ARMC7: variants seen among roughly 807,000 people sequenced by gnomAD.
ARMC7 encodes the protein armadillo repeat-containing protein 7.
Under a neutral mutation model 14.8 loss-of-function variants are expected in ARMC7, and 9 were observed. That is an observed-to-expected ratio of 0.61 (90% CI 0.37 to 1.06). ARMC7 has a LOEUF of 1.06. ARMC7 is among the 50% of genes least tolerant of loss of function. The probability of loss-of-function intolerance (pLI) is 0.01; values close to 1 mark genes in which losing one functional copy is unlikely to be tolerated. For missense variants in ARMC7, 262 were observed against 267.1 expected, an observed-to-expected ratio of 0.98 and a Z score of 0.13; for synonymous variants, 125 against 123.4, an observed-to-expected ratio of 1.01 and a Z score of -0.09.
At position 75,110,577 on chromosome 17, in the gene ARMC7, A is replaced by G. The variant is rs1222364880; in HGVS notation, c.206A>G (p.Glu69Gly). The G allele has an allele frequency of 1.2e-6, 2 of 1,614,052 alleles. No homozygotes were observed. The highest frequency in any genetic ancestry group is 1.6e-4 in the Middle Eastern group (1 of 6,084). Residue 69 changes from glutamate (E) to glycine (G), a missense_variant, in exon 2 of 3, where the codon GAG (glutamate) becomes GGG (glycine). By Grantham distance (98) the Glu-to-Gly change is moderately conservative. Transcript: ENST00000245543. ...LDLFLDSLSE[E>G]NETLVEFAIG... Reference sequence around the variant, plus strand: ...TTATTTCTCGATTCGCTGTCGGAGGAGAATGAGACCCTGGTGGAGTTTGCT... The same window carrying G: ...TTATTTCTCGATTCGCTGTCGGAGGGGAATGAGACCCTGGTGGAGTTTGCT...
At chr17:75,128,581 C>T in intron 2 of ARMC7, 96 bp from the exon 3 acceptor site, 1 of 1,493,350 alleles carries the variant, frequency 6.7e-7, no homozygotes, top group Non-Finnish European at 8.9e-7. Flanking sequence ...GGGCCAGCTT[C>T]TCAACAGCCT....
At chr17:75,127,833 G>A (rs1318322658) in intron 2 of ARMC7, among the ~76,000 whole-genome samples, 1 of 152,152 alleles carries the variant, frequency 6.6e-6, no homozygotes, top group Non-Finnish European at 1.5e-5. Context: ...GGGCTCAAGG[G>A]ATCCTCCTGC....
At chr17:75,118,403 G>A (rs921988138) in intron 2 of ARMC7, among the ~76,000 whole-genome samples, 2 of 152,056 alleles carry the variant, frequency 1.3e-5, no homozygotes, top group East Asian at 1.9e-4. Context: ...TCCCATCAGC[G>A]GTGGCAGTGG....
At chr17:75,125,683 C>CA (rs368556253) in intron 2 of ARMC7, among the ~76,000 whole-genome samples, 7,230 of 149,034 alleles carry the variant, frequency 0.049, 270 homozygotes, top group Non-Finnish European at 0.066. Context: ...ACTAAAAATA[C>CA]AAAAAAAAAA....
chr17:75,112,378 C>G (rs1183517057), intron 2 of ARMC7, among the ~76,000 whole-genome samples: 2 of 152,100 alleles, frequency 1.3e-5, no homozygotes, highest in Non-Finnish European at 2.9e-5. Flanking sequence ...CTGTCGTGTG[C>G]TGTGATTGCA....
Position 75,128,739 on chromosome 17 carries a change from G to A in ARMC7, c.298G>A (p.Val100Ile), listed in dbSNP as rs780632024. 4 of 1,613,484 alleles carry A rather than the reference G, an allele frequency of 2.5e-6. No individual in the cohort carries two copies. The East Asian group carries it at 6.7e-5, about 27-fold the overall frequency. ...NKEHILHAGG[V>I]PLIINCLSSP... ...GGAGCACATCCTGCACGCAGGAGGT[G>A]TCCCACTCATCATCAACTGCCTATC... Residue 100 changes from valine to isoleucine, a missense_variant, in exon 3 of 3, where the codon GTC becomes ATC. Coordinates refer to ENST00000245543, the MANE Select transcript of ARMC7 (RefSeq NM_024585.4).
rs1396285807 is a variant in ARMC7, at chr17:75,129,109, G to A, written c.*71G>A. On this transcript the variant is annotated 3_prime_UTR_variant, in exon 3 of 3. Coordinates refer to ENST00000245543, the MANE Select transcript of ARMC7 (RefSeq NM_024585.4). ...CAGTCCTGATGTGGACGCAGGGAAC[G>A]GGGAGCACATACTGCCCCATTGGTG... The A allele has an allele frequency of 7.9e-6, 12 of 1,511,890 alleles. No homozygotes were observed. The highest frequency in any genetic ancestry group is 1.1e-5 in the Non-Finnish European group (12 of 1,135,414). The allele number at this position is 1,511,890 out of a possible 1,614,324, so 93.7% of individuals were successfully genotyped here. A position where few individuals can be genotyped will look rare whatever the true frequency, so the allele number is the denominator to read the frequency against.
intron 2 of ARMC7, among the ~76,000 whole-genome samples, chr17:75,117,323 C>T (rs907236961): frequency 6.6e-6 from 1 of 152,146 alleles, no homozygotes; most frequent in East Asian, 1.9e-4. Context: ...GTGATCCGCC[C>T]GCCTCGGCCT....
Position 75,128,901 on chromosome 17 carries a change from G to T in ARMC7, c.460G>T (p.Ala154Ser). 6.2e-7 allele frequency: 1 copy of T among 1,610,296 alleles called. No individual in the cohort carries two copies. The highest frequency in any genetic ancestry group is 8.5e-7 in the Non-Finnish European group (1 of 1,179,798). Residue 154 changes from alanine to serine, a missense_variant, in exon 3 of 3, where the codon GCC becomes TCC. By Grantham distance (99) the Ala-to-Ser change is moderately conservative. Transcript: ENST00000245543. ...CMLRFSLSAS[A>S]RLRNLAQIFL... ...GCTTCGCTTCTCCCTCTCGGCCAGC[G>T]CCAGGCTCCGGAACCTGGCACAGAT... is the stretch of plus-strand genomic sequence containing the variant.
chr17:75,129,417 C>G lies in ARMC7; in HGVS notation c.*379C>G, dbSNP rs2074083695. The G allele has an allele frequency of 7.8e-6, 2 of 256,932 alleles. No individual in the cohort carries two copies. 15.9% of individuals were successfully genotyped at this position (256,932 alleles called of 1,614,324 possible). ...GAGAGCTGCCTTCGCTGCAGGAAAT[C>G]AGGGATTATCCCTTAACAGAAGTGT... On this transcript the variant is annotated 3_prime_UTR_variant, in exon 3 of 3. Transcript: ENST00000245543.
chr17:75,123,032 C>CTTTTTTTTT (rs34863483), intron 2 of ARMC7, among the ~76,000 whole-genome samples: 1 of 135,960 alleles, frequency 7.4e-6, no homozygotes, highest in Non-Finnish European at 1.6e-5. Context: ...TCTTTGGACA[C>CTTTTTTTTT]TTTTTTTTTT....
At position 75,129,870 on chromosome 17, in the gene ARMC7, T is replaced by C. The variant is rs1269897401; in HGVS notation, c.*832T>C. On this transcript the variant is annotated 3_prime_UTR_variant, in exon 3 of 3. Transcript: ENST00000245543. ...ATGATGGGGAGCCCTACCCCAGAAGTGTATCCCACGAGGGCATCAGGGACG... is the reference window on the plus strand; with the variant it reads ...ATGATGGGGAGCCCTACCCCAGAAGCGTATCCCACGAGGGCATCAGGGACG... 1.3e-5 allele frequency: 2 copies of C among 152,570 alleles called. No homozygotes were observed. Among genetic ancestry groups the C allele is most frequent in the African/African-American group, 4.8e-5 (2 of 41,420 alleles). 9.5% of individuals were successfully genotyped at this position (152,570 alleles called of 1,614,324 possible).
chr17:75,114,164 C>G (rs1482246512), intron 2 of ARMC7: 1 of 401,376 alleles, frequency 2.5e-6, no homozygotes, highest in East Asian at 3.6e-5. Flanking sequence ...CCTCTGCCCC[C>G]ACAGCTGCTG....
chr17:75,122,906 A>C (rs896428252), intron 2 of ARMC7, among the ~76,000 whole-genome samples: 1 of 152,058 alleles, frequency 6.6e-6, no homozygotes, highest in African/African-American at 2.4e-5. Flanking sequence ...TTAGGTGCTC[A>C]CAGAAAGCTC....
chr17:75,127,909 AAC>A (rs1206817404), intron 2 of ARMC7, among the ~76,000 whole-genome samples: 5 of 152,182 alleles, frequency 3.3e-5, no homozygotes, highest in African/African-American at 9.7e-5. Context: ...CTAGTATTTT[AAC>A]AGTTTTATTG....
intron 2 of ARMC7, among the ~76,000 whole-genome samples, chr17:75,125,037 C>CA (rs766402773): frequency 1.7e-4 from 26 of 152,212 alleles, no homozygotes; most frequent in Admixed American, 4.6e-4. Context: ...CCAAGGGCCC[C>CA]ATGGGGAGAG....
At chr17:75,128,188 C>T (rs748017546) in intron 2 of ARMC7, among the ~76,000 whole-genome samples, 6 of 152,162 alleles carry the variant, frequency 3.9e-5, no homozygotes, top group Non-Finnish European at 8.8e-5. Context: ...AATTCTCCTG[C>T]CTCAGCCTCA....
chr17:75,114,769 C>A lies in ARMC7; in HGVS notation c.235+4163C>A, dbSNP rs186290961. On this transcript the variant is annotated intron_variant, in intron 2 of 2. Coordinates refer to ENST00000245543, the MANE Select transcript of ARMC7 (RefSeq NM_024585.4). Reference sequence around the variant, plus strand: ...CCAAGCACAGTAGCTTTCTCAGCGTCGAATCCCTCCGTGGGACCATGTTGC... The same window carrying A: ...CCAAGCACAGTAGCTTTCTCAGCGTAGAATCCCTCCGTGGGACCATGTTGC... 604 of 398,496 alleles carry A rather than the reference C, an allele frequency of 1.5e-3. 3 individuals carry two copies. Among genetic ancestry groups the A allele is most frequent in the Non-Finnish European group, 4.6e-4 (104 of 226,050 alleles). 24.7% of individuals were successfully genotyped at this position (398,496 alleles called of 1,614,324 possible).
At chr17:75,124,531 G>C (rs765225480) in intron 2 of ARMC7, among the ~76,000 whole-genome samples, 2 of 152,230 alleles carry the variant, frequency 1.3e-5, no homozygotes, top group Non-Finnish European at 2.9e-5. Flanking sequence ...CCGCAGTCCA[G>C]TGTGCACAGG....
Sources: gnomAD v4.1 joint callset for allele counts (sites outside exome capture counted in the v4.1 genomes callset) on GRCh38, gnomAD v4.1.1 for gene constraint, MANE v1.5 for transcripts, NCBI Gene and HGNC (gene_info 2026-07-23, HGNC 2026-07-21) for gene names.